The following MED12L variants were observed in gnomAD, a reference collection of about 807,000 sequenced individuals.
MED12L encodes mediator complex subunit 12L, also known as mediator of RNA polymerase II transcription subunit 12-like protein.
MED12L carries 60 observed loss-of-function variants against 281.3 expected under a neutral mutation model. That is an observed-to-expected ratio of 0.21 (90% CI 0.17 to 0.26). MED12L has a LOEUF of 0.26. Ranked by LOEUF, MED12L falls within the 10% of genes least tolerant of loss-of-function variation. The pLI is 1.00. For missense variants in MED12L, 2,146 were observed against 2,680.9 expected, an observed-to-expected ratio of 0.80 and a Z score of 4.41; for synonymous variants, 974 against 987.2, an observed-to-expected ratio of 0.99 and a Z score of 0.25.
intron 2 of MED12L, among the ~76,000 whole-genome samples, chr3:151,090,099 C>T (rs1262641225): frequency 1.3e-5 from 2 of 152,136 alleles, no homozygotes; most frequent in Non-Finnish European, 2.9e-5. Context: ...ACTTAGCATT[C>T]CACTCAGCTC....
intron 2 of MED12L, among the ~76,000 whole-genome samples, chr3:151,095,537 C>T (rs1190526822): frequency 2.0e-5 from 3 of 152,116 alleles, no homozygotes; most frequent in Admixed American, 6.5e-5. Context: ...GGACTTTCGC[C>T]ATGTTGGCCA....
chr3:151,126,821 A>G (rs1714606176), intron 4 of MED12L, among the ~76,000 whole-genome samples: 1 of 152,188 alleles, frequency 6.6e-6, no homozygotes, highest in African/African-American at 2.4e-5. Flanking sequence ...GTTTTGCTTT[A>G]TCCTTATAAC....
chr3:151,228,378 T>G (rs1242516434), intron 16 of MED12L, among the ~76,000 whole-genome samples: 1 of 152,198 alleles, frequency 6.6e-6, no homozygotes, highest in East Asian at 1.9e-4. Context: ...TGAGGCAGGC[T>G]GTGACTCAGT....
intron 2 of MED12L, among the ~76,000 whole-genome samples, chr3:151,111,837 G>A (rs550129536): frequency 4.4e-4 from 67 of 152,228 alleles, no homozygotes; most frequent in African/African-American, 1.4e-3. Context: ...AAATCTGGGC[G>A]GGGAAGAGGA....
chr3:151,347,481 T>C (rs1329267381), intron 16 of MED12L, among the ~76,000 whole-genome samples: 1 of 152,164 alleles, frequency 6.6e-6, no homozygotes, highest in African/African-American at 2.4e-5. Context: ...TGCTCCAAAG[T>C]CTACTTCCCC....
At chr3:151,400,960 C>G (rs1246454828) in intron 39 of MED12L, among the ~76,000 whole-genome samples, 1 of 151,984 alleles carries the variant, frequency 6.6e-6, no homozygotes, top group Non-Finnish European at 1.5e-5. Flanking sequence ...ATCATCATTT[C>G]CCTCCCTTCT....
At chr3:151,359,482 C>G (rs749829763) in intron 20 of MED12L, among the ~76,000 whole-genome samples, 9 of 152,050 alleles carry the variant, frequency 5.9e-5, no homozygotes, top group Non-Finnish European at 1.2e-4. Flanking sequence ...CCTGTGATTC[C>G]ATTGTCCTCC....
chr3:151,361,610 T>C (rs1470852737), intron 21 of MED12L, among the ~76,000 whole-genome samples: 1 of 152,164 alleles, frequency 6.6e-6, no homozygotes, highest in Non-Finnish European at 1.5e-5. Flanking sequence ...TGTATTTTTA[T>C]AAATATTTTT....
chr3:151,199,723 GTTGGAAGTTAGT>G (rs1725251652), intron 16 of MED12L, among the ~76,000 whole-genome samples: 1 of 152,110 alleles, frequency 6.6e-6, no homozygotes, highest in African/African-American at 2.4e-5. Context: ...TACCAGTTGG[GTTGGAAGTTAGT>G]TTGCAGAGGA....
intron 16 of MED12L, among the ~76,000 whole-genome samples, chr3:151,217,749 C>T (rs1007030422): frequency 6.6e-6 from 1 of 152,150 alleles, no homozygotes; most frequent in Non-Finnish European, 1.5e-5. Flanking sequence ...TTCCAAGATA[C>T]TCTTGGTAGT....
chr3:151,117,165 A>G (rs1054948923), intron 3 of MED12L, among the ~76,000 whole-genome samples: 1 of 151,526 alleles, frequency 6.6e-6, no homozygotes, highest in African/African-American at 2.4e-5. Context: ...TTTTATTGTC[A>G]CTTTGGATTC....
At chr3:151,414,685 C>T (rs1717348888) in intron 42 of MED12L, among the ~76,000 whole-genome samples, 1 of 141,906 alleles carries the variant, frequency 7.0e-6, no homozygotes, top group Non-Finnish European at 1.5e-5. Context: ...TAGTTCCATC[C>T]CAATTTGTGA....
rs182421087 is a variant in MED12L at position 151,192,431 on chromosome 3, A to G, written c.1969-119A>G. The G allele has an allele frequency of 2.8e-4, 210 of 747,032 alleles. 6 individuals carry two copies. Among genetic ancestry groups the G allele is most frequent in the South Asian group, 1.3e-3 (75 of 58,114 alleles). The allele number at this position is 747,032 out of a possible 1,614,324, so 46.3% of individuals were successfully genotyped here. On this transcript the variant is annotated intron_variant, in intron 14 of 44. Transcript: ENST00000687756. ...AGCTTCCTTCAATTTGCGGGGAAGAAAACAATACGGGGAACAAAAGACAGA... is the reference window on the plus strand; with the variant it reads ...AGCTTCCTTCAATTTGCGGGGAAGAGAACAATACGGGGAACAAAAGACAGA...
chr3:151,268,185 A>C (rs548873201), intron 16 of MED12L, among the ~76,000 whole-genome samples: 1 of 152,262 alleles, frequency 6.6e-6, no homozygotes, highest in Admixed American at 6.5e-5. Context: ...TAAATCCTAT[A>C]AAATAATGCC....
intron 16 of MED12L, among the ~76,000 whole-genome samples, chr3:151,206,642 C>CTTATTT (rs1726407503): frequency 1.4e-5 from 1 of 70,326 alleles, no homozygotes; most frequent in African/African-American, 6.0e-5. Flanking sequence ...AACACATTAT[C>CTTATTT]TTTTTTTTTT....
At chr3:151,351,461 A>C (rs1223004339) in intron 17 of MED12L, among the ~76,000 whole-genome samples, 2 of 152,294 alleles carry the variant, frequency 1.3e-5, no homozygotes, top group East Asian at 3.9e-4. Flanking sequence ...AGCAACCAAG[A>C]GTTGTGGAAG....
chr3:151,372,291 T>C (rs1212985108), intron 26 of MED12L, among the ~76,000 whole-genome samples: 1 of 152,202 alleles, frequency 6.6e-6, no homozygotes, highest in Non-Finnish European at 1.5e-5. Context: ...CTTAGTGTGA[T>C]TCATAATGGC....
chr3:151,409,827 G>A (rs540680929), intron 40 of MED12L, among the ~76,000 whole-genome samples: 12 of 152,182 alleles, frequency 7.9e-5, no homozygotes, highest in South Asian at 4.1e-4. Context: ...TTAGCCAGGC[G>A]TGGTGGCATG....
rs543863647 is a variant in MED12L at position 151,226,313 on chromosome 3, A to C, written c.2250+32647A>C. ...GAACAGGCATCAAGACTGACACGAG[A>C]GGCTGTCACAGTGGGGGAAAATGGA... On this transcript the variant is annotated intron_variant, in intron 16 of 44. Transcript: ENST00000687756. Among the ~76,000 whole-genome samples the C allele has an allele frequency of 2.6e-5, 4 of 152,326 alleles. No homozygotes were observed. In the East Asian group the frequency reaches 7.7e-4, roughly 29 times the overall value.
Sources: gnomAD v4.1 joint callset for allele counts (sites outside exome capture counted in the v4.1 genomes callset) on GRCh38, gnomAD v4.1.1 for gene constraint, MANE v1.5 for transcripts, NCBI Gene and HGNC (gene_info 2026-07-23, HGNC 2026-07-21) for gene names.